The following NCOA7 variants were observed in gnomAD, a reference collection of about 807,000 sequenced individuals.
NCOA7 encodes 140 kDa estrogen receptor-associated protein.
Under a neutral mutation model 104.3 loss-of-function variants are expected in NCOA7, and 45 were observed. The observed-to-expected ratio is 0.43, with a 90% confidence interval of 0.34 to 0.55. The LOEUF is 0.55. NCOA7 is among the 20% of genes least tolerant of loss of function. The pLI is 0.02. For synonymous variants in NCOA7, 398 were observed against 402.3 expected, an observed-to-expected ratio of 0.99 and a Z score of 0.13; for missense variants, 1,041 against 1,119.7, an observed-to-expected ratio of 0.93 and a Z score of 1.00.
At chr6:125,906,233 T>G (rs1410627354) in intron 10 of NCOA7, among the ~76,000 whole-genome samples, 4 of 152,178 alleles carry the variant, frequency 2.6e-5, no homozygotes, top group East Asian at 3.9e-4. Context: ...GTTACTCCTT[T>G]TGAAGAAAAA....
intron 3 of NCOA7, among the ~76,000 whole-genome samples, chr6:125,860,249 C>A (rs1781925866): frequency 6.6e-6 from 1 of 152,160 alleles, no homozygotes; most frequent in Admixed American, 6.5e-5. Flanking sequence ...AAATTTGATA[C>A]AAGCACCTTG....
exon 1 of NCOA7, chr6:125,781,273 T>C (rs1256704935): frequency 1.3e-5 from 2 of 152,186 alleles, no homozygotes; most frequent in African/African-American, 4.8e-5. Context: ...CGCTGCAAGA[T>C]GGAAGGAAGC....
chr6:125,845,151 A>G (rs533616575), intron 2 of NCOA7, among the ~76,000 whole-genome samples: 7 of 152,306 alleles, frequency 4.6e-5, no homozygotes, highest in African/African-American at 1.2e-4. Context: ...TTAGACGACC[A>G]GGAAAAAACA....
At chr6:125,787,210 C>G (rs1268076), upstream of NCOA7, among the ~76,000 whole-genome samples, 18,242 of 151,762 alleles carry the variant, frequency 0.12, 1,462 homozygotes, top group African/African-American at 0.23. Context: ...GGCAATGTTA[C>G]AGCAATATTT....
At chr6:125,822,937 A>G (rs60881729) in intron 2 of NCOA7, among the ~76,000 whole-genome samples, 2,453 of 148,152 alleles carry the variant, frequency 0.017, 38 homozygotes, top group African/African-American at 0.053. Flanking sequence ...TCCATCTCCA[A>G]AAAAAAAAAA....
At chr6:125,927,900 T>G (rs1788176014) in intron 14 of NCOA7, 142 bp downstream of exon 14, 2 of 756,112 alleles carry the variant, frequency 2.6e-6, no homozygotes, top group Admixed American at 2.3e-5. Flanking sequence ...TGACTGTAGC[T>G]CGCAAACTGC....
At position 125,825,224 on chromosome 6, in the gene NCOA7, T is replaced by C. The variant is rs1033485426; in HGVS notation, c.50+9820T>C. On this transcript the variant is annotated intron_variant, in intron 2 of 15. Coordinates refer to ENST00000392477, the MANE Select transcript of NCOA7 (RefSeq NM_181782.5). The stretch of plus-strand genomic sequence containing the variant: ...ACATGACAGCACATGCCTGTAACCC[T>C]AGCTACTCTGGAGTGGAGGTGAAAA... Among the ~76,000 whole-genome samples the C allele has an allele frequency of 4.4e-4, 64 of 147,088 alleles. 1 individual carries two copies.
rs182565554 is a variant in NCOA7 at position 125,907,673 on chromosome 6, G to A, written c.2097-7660G>A. 2.8e-3 allele frequency among the ~76,000 whole-genome samples: 430 copies of A among 152,252 alleles called. 2 individuals carry two copies. Among genetic ancestry groups the A allele is most frequent in the Non-Finnish European group, 3.9e-3 (267 of 68,018 alleles). On this transcript the variant is annotated intron_variant, in intron 10 of 15. Coordinates refer to ENST00000392477, the MANE Select transcript of NCOA7 (RefSeq NM_181782.5). ...GACTTAGCATTTATTTTAAAAAAGC[G>A]GGGGTTGGGGAACAGCTTAGAATTA...
chr6:125,895,321 G>C (rs758588233), intron 10 of NCOA7, among the ~76,000 whole-genome samples: 1 of 152,052 alleles, frequency 6.6e-6, no homozygotes, highest in Non-Finnish European at 1.5e-5. Flanking sequence ...TGTATAATAA[G>C]TAAACTAATA....
chr6:125,872,329 G>A (rs922045896), intron 3 of NCOA7, among the ~76,000 whole-genome samples: 4 of 152,178 alleles, frequency 2.6e-5, no homozygotes, highest in African/African-American at 9.6e-5. Flanking sequence ...TCCCCATTGG[G>A]ACCAGAGATA....
intron 1 of NCOA7, among the ~76,000 whole-genome samples, chr6:125,795,075 A>G (rs1308990450): frequency 3.9e-5 from 6 of 152,196 alleles, no homozygotes; most frequent in African/African-American, 1.2e-4. Flanking sequence ...TTGACACCTA[A>G]TTGTTAAGTT....
rs898876843 is a variant in NCOA7, at chr6:125,930,860, C to T, written c.*2089C>T. ...GAATGTCTCATGATATCACGTTTAC[C>T]ATTTACACCATCTGCAACCATATGC... On this transcript the variant is annotated 3_prime_UTR_variant, in exon 16 of 16. Coordinates refer to ENST00000392477, the MANE Select transcript of NCOA7 (RefSeq NM_181782.5). 1 of 152,452 alleles carries T rather than the reference C, an allele frequency of 6.6e-6. No individual in the cohort carries two copies. Among genetic ancestry groups the T allele is most frequent in the African/African-American group, 2.4e-5 (1 of 41,410 alleles). The allele number at this position is 152,452 out of a possible 1,614,324, so 9.4% of individuals were successfully genotyped here.
intron 8 of NCOA7, 126 bp downstream of exon 8, chr6:125,885,469 C>A: frequency 1.3e-6 from 1 of 792,624 alleles, no homozygotes; most frequent in Non-Finnish European, 1.9e-6. Context: ...AAGACTTGTG[C>A]ACTGAAGAAA....
chr6:125,840,867 GGTTTTTTTTTTTTTTTT>G lies in NCOA7; in HGVS notation c.51-14152_51-14136del, dbSNP rs1431175416. Among the ~76,000 whole-genome samples the G allele has an allele frequency of 2.4e-4, 12 of 50,658 alleles. 1 individual carries two copies. Among genetic ancestry groups the G allele is most frequent in the African/African-American group, 8.1e-4 (11 of 13,594 alleles). The allele number at this position is 50,658 out of a possible 152,430, so 33.2% of individuals were successfully genotyped here. On this transcript the variant is annotated intron_variant, in intron 2 of 15. Coordinates refer to ENST00000392477, the MANE Select transcript of NCOA7 (RefSeq NM_181782.5). Reference sequence around the variant, plus strand: ...CTTTTATGGTTTTTTTTGTTTGGTTGGTTTTTTTTTTTTTTTTTTTTTTTTTTTTTTTTTTTTTTTTT... The same window carrying G: ...CTTTTATGGTTTTTTTTGTTTGGTTGTTTTTTTTTTTTTTTTTTTTTTTTT...
At chr6:125,910,244 G>A (rs1786403872) in intron 10 of NCOA7, among the ~76,000 whole-genome samples, 1 of 152,182 alleles carries the variant, frequency 6.6e-6, no homozygotes. Flanking sequence ...CTGGCTGATA[G>A]TACCAGGCTA....
chr6:125,829,744 T>C (rs1312230155), intron 2 of NCOA7, among the ~76,000 whole-genome samples: 2 of 145,600 alleles, frequency 1.4e-5, no homozygotes, highest in African/African-American at 4.9e-5. Context: ...GGAACTAACG[T>C]CCCCCTCTAA....
At chr6:125,880,420 T>G (rs943866461) in intron 5 of NCOA7, among the ~76,000 whole-genome samples, 5 of 152,156 alleles carry the variant, frequency 3.3e-5, no homozygotes, top group Non-Finnish European at 7.3e-5. Context: ...TTCTACTTGT[T>G]CTTCAAGGCT....
chr6:125,841,650 A>G (rs538712933), intron 2 of NCOA7, among the ~76,000 whole-genome samples: 2 of 152,268 alleles, frequency 1.3e-5, no homozygotes, highest in Admixed American at 1.3e-4. Flanking sequence ...GTTTGCCTTT[A>G]CATGTGAATG....
intron 11 of NCOA7, 41 bp downstream of exon 11, chr6:125,915,521 G>C: frequency 1.2e-6 from 2 of 1,610,794 alleles, no homozygotes; most frequent in Non-Finnish European, 1.7e-6. Flanking sequence ...AGTTCCTAAG[G>C]TACAGTAAGC....
Sources: allele counts gnomAD v4.1 joint callset (sites outside exome capture counted in the v4.1 genomes callset), GRCh38; gene constraint gnomAD v4.1.1; transcripts MANE v1.5; gene names NCBI Gene and HGNC (gene_info 2026-07-23, HGNC 2026-07-21).